The following FAM222A variants were observed in gnomAD, a reference collection of about 807,000 sequenced individuals.
FAM222A encodes the protein family with sequence similarity 222 member A, also known as protein FAM222A.
A neutral mutation model predicts 25.8 loss-of-function variants in FAM222A; 7 were observed. The ratio of observed to expected loss-of-function variants is 0.27; its 90% CI spans 0.15 to 0.51. FAM222A has a LOEUF of 0.51. FAM222A is among the 20% of genes least tolerant of loss of function. The pLI, the probability that FAM222A is intolerant of heterozygous loss-of-function variation, is 0.97. For synonymous variants in FAM222A, 294 were observed against 298.8 expected, an observed-to-expected ratio of 0.98 and a Z score of 0.17; for missense variants, 573 against 640.5, an observed-to-expected ratio of 0.89 and a Z score of 1.14.
At position 109,730,412 on chromosome 12, in the gene FAM222A, G is replaced by A. The variant is rs971523292; in HGVS notation, c.-46-13689G>A. 6.6e-4 allele frequency among the ~76,000 whole-genome samples: 100 copies of A among 151,546 alleles called. 1 individual carries two copies. Among genetic ancestry groups the A allele is most frequent in the African/African-American group, 2.2e-3 (91 of 41,346 alleles). On this transcript the variant is annotated intron_variant, in intron 1 of 2. Transcript: ENST00000538780. ...CTGGCACCTGCCTGGGGGGCGGGGGGGGGGGTTCCTCCAGCCCACACCATT... is the reference window on the plus strand; with the variant it reads ...CTGGCACCTGCCTGGGGGGCGGGGGAGGGGGTTCCTCCAGCCCACACCATT...
chr12:109,742,915 GA>G (rs989765246), intron 1 of FAM222A, among the ~76,000 whole-genome samples: 2 of 152,140 alleles, frequency 1.3e-5, no homozygotes, highest in African/African-American at 4.8e-5. Flanking sequence ...ATTATTAGAA[GA>G]AAGCGGCAGA....
At chr12:109,767,934 G>A (rs983066334) in intron 2 of FAM222A, 78 bp from the exon 3 acceptor site, 8 of 1,376,112 alleles carry the variant, frequency 5.8e-6, no homozygotes, top group African/African-American at 1.4e-5. Flanking sequence ...TGAGTGGAGG[G>A]GGCGGGACTC....
chr12:109,752,402 C>T (rs7962480), intron 2 of FAM222A, among the ~76,000 whole-genome samples: 24,188 of 152,266 alleles, frequency 0.16, 2,117 homozygotes, highest in East Asian at 0.31. Context: ...AGTGCCTGGA[C>T]GCTAAGTCAA....
At position 109,768,079 on chromosome 12, in the gene FAM222A, C is replaced by T. The variant is rs766859816; in HGVS notation, c.150C>T (p.Ala50=). 1.3e-5 allele frequency: 21 copies of T among 1,613,854 alleles called. No homozygotes were observed. The highest frequency in any genetic ancestry group is 1.6e-4 in the Middle Eastern group (1 of 6,062). Residue 50 remains alanine (A), a synonymous_variant, in exon 3 of 3, where the codon GCC becomes GCT. Coordinates refer to ENST00000538780, the MANE Select transcript of FAM222A (RefSeq NM_032829.3). ...YPSPAELDAY[A]EKVANSPLSI... Reference sequence around the variant, plus strand: ...GCCCAGCAGAACTGGACGCCTATGCCGAGAAGGTGGCCAACAGCCCGCTGT... The same window carrying T: ...GCCCAGCAGAACTGGACGCCTATGCTGAGAAGGTGGCCAACAGCCCGCTGT...
At position 109,744,234 on chromosome 12, in the gene FAM222A, T is replaced by C; in HGVS notation, c.82+6T>C. On this transcript the variant is annotated splice_donor_region_variant and intron_variant, in intron 2 of 2. Coordinates refer to ENST00000538780, the MANE Select transcript of FAM222A (RefSeq NM_032829.3). ...GAGCCTGGAGCTGCGCAAGTGTGAG[T>C]AGGACGCCTCCCCAGCCTTTGCAGG... 1 of 1,611,788 alleles carries C rather than the reference T, an allele frequency of 6.2e-7. No homozygotes were observed. Among genetic ancestry groups the C allele is most frequent in the Non-Finnish European group, 8.5e-7 (1 of 1,179,558 alleles).
chr12:109,760,376 G>A (rs1192279788), intron 2 of FAM222A, among the ~76,000 whole-genome samples: 1 of 152,336 alleles, frequency 6.6e-6, no homozygotes, highest in South Asian at 2.1e-4. Context: ...GGGCACATCA[G>A]TGTGAGAGAA....
At chr12:109,757,712 G>T (rs1293244761) in intron 2 of FAM222A, among the ~76,000 whole-genome samples, 1 of 144,852 alleles carries the variant, frequency 6.9e-6, no homozygotes, top group Non-Finnish European at 1.5e-5. Flanking sequence ...GAGAGCCACG[G>T]ATGTGGCTGC....
chr12:109,731,948 C>T (rs1374294007), intron 1 of FAM222A, among the ~76,000 whole-genome samples: 1 of 152,190 alleles, frequency 6.6e-6, no homozygotes, highest in African/African-American at 2.4e-5. Context: ...AGAAAGAGAC[C>T]AGCGAAGGGT....
intron 1 of FAM222A, among the ~76,000 whole-genome samples, chr12:109,724,743 T>C (rs540726886): frequency 4.3e-4 from 66 of 152,276 alleles, no homozygotes; most frequent in African/African-American, 1.4e-3. Flanking sequence ...CTGCTTGTCA[T>C]CTCTCTTCCC....
Position 109,744,277 on chromosome 12 carries a change from A to G in FAM222A, c.82+49A>G, listed in dbSNP as rs772952693. On this transcript the variant is annotated intron_variant, in intron 2 of 2. Transcript: ENST00000538780. ...TTTGCAGGGCAGGTCGTGGGCAGAG[A>G]ACGCCATTCACCCCCCAGGATGTCC... 3.8e-6 allele frequency: 6 copies of G among 1,571,292 alleles called. No individual in the cohort carries two copies. The East Asian group carries it at 9.3e-5, about 24-fold the overall frequency.
At chr12:109,751,522 G>T (rs555877017) in intron 2 of FAM222A, among the ~76,000 whole-genome samples, 1 of 152,100 alleles carries the variant, frequency 6.6e-6, no homozygotes, top group Non-Finnish European at 1.5e-5. Context: ...GTCCATTTGC[G>T]GGAGCTTCAG....
At chr12:109,726,581 G>A (rs1887846852) in intron 1 of FAM222A, among the ~76,000 whole-genome samples, 1 of 152,236 alleles carries the variant, frequency 6.6e-6, no homozygotes, top group East Asian at 1.9e-4. Flanking sequence ...CGCAGTAGGT[G>A]TTTGGTAAAC....
At chr12:109,741,888 G>C (rs1352378396) in intron 1 of FAM222A, among the ~76,000 whole-genome samples, 4 of 152,216 alleles carry the variant, frequency 2.6e-5, no homozygotes, top group African/African-American at 2.4e-5. Flanking sequence ...TGGTGAGGGG[G>C]TAAGTGCACC....
At chr12:109,754,393 C>T (rs1040149755) in intron 2 of FAM222A, among the ~76,000 whole-genome samples, 12 of 152,048 alleles carry the variant, frequency 7.9e-5, no homozygotes, top group Non-Finnish European at 1.5e-4. Context: ...AAAAGAAAAC[C>T]CAAGAGAATA....
At chr12:109,720,334 G>T (rs1887724888) in intron 1 of FAM222A, among the ~76,000 whole-genome samples, 1 of 152,204 alleles carries the variant, frequency 6.6e-6, no homozygotes, top group Non-Finnish European at 1.5e-5. Context: ...TCTGTGGGGA[G>T]GGGGGCCTCC....
chr12:109,756,195 G>A (rs1888722118), intron 2 of FAM222A, among the ~76,000 whole-genome samples: 1 of 152,124 alleles, frequency 6.6e-6, no homozygotes, highest in Non-Finnish European at 1.5e-5. Flanking sequence ...TTTTGATGCT[G>A]TTGTAATTGG....
rs142278927 is a variant in FAM222A at position 109,768,895 on chromosome 12, G to C, written c.966G>C (p.Glu322Asp). ...SPEACGGRAY[E>D]RASGSPLNCG... ...AGGCTTGCGGGGGCCGGGCATACGA[G>C]CGGGCCAGCGGGTCACCCCTCAACT... The change falls in exon 3 of 3, where the codon GAG (glutamate) becomes GAC (aspartate). Residue 322 changes from glutamate (E) to aspartate (D), a missense_variant. By Grantham distance (45) the Glu-to-Asp change is conservative. This residue lies in a region of FAM222A where 412 missense variants were observed against 407.0 expected (regional missense o/e 1.01). Transcript: ENST00000538780. The C allele has an allele frequency of 6.3e-7, 1 of 1,581,160 alleles. No homozygotes were observed. The highest frequency in any genetic ancestry group is 1.7e-4 in the Middle Eastern group (1 of 6,002).
intron 1 of FAM222A, among the ~76,000 whole-genome samples, chr12:109,738,258 G>C (rs1888139623): frequency 1.3e-5 from 2 of 152,144 alleles, no homozygotes; most frequent in Admixed American, 1.3e-4. Flanking sequence ...GAGAGGTCTG[G>C]ACTTTCTGAG....
chr12:109,736,544 C>T (rs1006546809), intron 1 of FAM222A, among the ~76,000 whole-genome samples: 3 of 152,064 alleles, frequency 2.0e-5, no homozygotes, highest in Non-Finnish European at 4.4e-5. Flanking sequence ...ACATCATGAC[C>T]CCCCCAGGCC....
Sources: allele counts gnomAD v4.1 joint callset (sites outside exome capture counted in the v4.1 genomes callset), GRCh38; gene constraint gnomAD v4.1.1; regional missense constraint gnomAD v4.1.1; transcripts MANE v1.5; gene names NCBI Gene and HGNC (gene_info 2026-07-23, HGNC 2026-07-21).